PSD3: variants seen among roughly 807,000 people sequenced by gnomAD.
PSD3 encodes pleckstrin and Sec7 domain containing 3.
In PSD3, 49 loss-of-function variants were observed where a neutral mutation model predicts 105.5. That is an observed-to-expected ratio of 0.46 (90% CI 0.37 to 0.59). PSD3 has a LOEUF of 0.59. PSD3 is among the 20% of genes least tolerant of loss of function. The pLI, the probability that PSD3 is intolerant of heterozygous loss-of-function variation, is 0.00. For missense variants in PSD3, 1,561 were observed against 1,263.8 expected, an observed-to-expected ratio of 1.24 and a Z score of -3.57; for synonymous variants, 557 against 457.8, an observed-to-expected ratio of 1.22 and a Z score of -2.77.
chr8:19,057,782 A>G (rs1178593111), intron 1 of PSD3, among the ~76,000 whole-genome samples: 4 of 152,352 alleles, frequency 2.6e-5, no homozygotes, highest in South Asian at 2.1e-4. Context: ...AAAGAAAAAG[A>G]AAATATCAAA....
intron 1 of PSD3, among the ~76,000 whole-genome samples, chr8:19,005,730 C>A (rs1297648504): frequency 6.6e-6 from 1 of 151,900 alleles, no homozygotes; most frequent in Non-Finnish European, 1.5e-5. Context: ...CTCAAGAGAT[C>A]CTCCTACCTT....
intron 1 of PSD3, among the ~76,000 whole-genome samples, chr8:19,063,027 T>C (rs1394562495): frequency 6.6e-6 from 1 of 152,184 alleles, no homozygotes; most frequent in African/African-American, 2.4e-5. Context: ...TGTGAGACAG[T>C]TGGACTTGAA....
At chr8:18,801,702 C>T (rs1235141293) in intron 6 of PSD3, among the ~76,000 whole-genome samples, 7 of 152,072 alleles carry the variant, frequency 4.6e-5, no homozygotes, top group East Asian at 1.9e-4. Context: ...TGGTGGTGGG[C>T]GCCTGTAATC....
intron 1 of PSD3, among the ~76,000 whole-genome samples, chr8:18,977,195 G>C (rs1404290551): frequency 2.7e-5 from 4 of 149,494 alleles, no homozygotes; most frequent in African/African-American, 9.9e-5. Context: ...AGAAGGCGGA[G>C]GTTGCAGTGA....
intron 1 of PSD3, among the ~76,000 whole-genome samples, chr8:19,062,044 C>G (rs1828918600): frequency 6.6e-6 from 1 of 152,166 alleles, no homozygotes; most frequent in African/African-American, 2.4e-5. Flanking sequence ...AAACTGTGAA[C>G]TCTTTGAGGC....
chr8:18,642,186 C>G (rs1207797822), intron 10 of PSD3, among the ~76,000 whole-genome samples: 3 of 152,010 alleles, frequency 2.0e-5, no homozygotes, highest in African/African-American at 7.2e-5. Context: ...ACAAACTTAA[C>G]CAATGGTTAA....
At chr8:18,707,619 G>A (rs915219238) in intron 9 of PSD3, among the ~76,000 whole-genome samples, 3 of 152,166 alleles carry the variant, frequency 2.0e-5, no homozygotes, top group Non-Finnish European at 4.4e-5. Context: ...AGACAGCAAA[G>A]CTCATATGAC....
At position 18,835,085 on chromosome 8, in the gene PSD3, G is replaced by A. The variant is rs575186221; in HGVS notation, c.1635-30187C>T. 5.9e-4 allele frequency among the ~76,000 whole-genome samples: 90 copies of A among 152,262 alleles called. 6 individuals are homozygous for A. The highest frequency in any genetic ancestry group is 1.9e-3 in the South Asian group (9 of 4,822). ...TTAGACAAAGGACAGTCAAGTATGC[G>A]AAGAAATACAGGCACTCATACATTA... On this transcript the variant is annotated intron_variant, in intron 4 of 15. Transcript: ENST00000327040.
chr8:18,654,889 A>C (rs1808776567), intron 10 of PSD3, among the ~76,000 whole-genome samples: 1 of 152,196 alleles, frequency 6.6e-6, no homozygotes, highest in South Asian at 2.1e-4. Context: ...TATCATAGGA[A>C]ATAAACCTGG....
intron 13 of PSD3, 87 bp from the exon 14 acceptor site, chr8:18,572,759 T>C: frequency 7.0e-7 from 1 of 1,438,756 alleles, no homozygotes; most frequent in East Asian, 2.3e-5. Context: ...TGATTTGCAA[T>C]GGCATGTGAA....
intron 9 of PSD3, among the ~76,000 whole-genome samples, chr8:18,669,097 A>G (rs1799635088): frequency 6.6e-6 from 1 of 152,230 alleles, no homozygotes; most frequent in Non-Finnish European, 1.5e-5. Flanking sequence ...ATCTCCCTAC[A>G]TAGCGTACCT....
intron 2 of PSD3, among the ~76,000 whole-genome samples, chr8:18,931,435 T>C (rs1305103633): frequency 1.3e-5 from 2 of 152,212 alleles, no homozygotes; most frequent in African/African-American, 4.8e-5. Context: ...TAGTTATTCA[T>C]ACTTATGACC....
At chr8:18,599,634 G>A (rs1217354724) in intron 12 of PSD3, among the ~76,000 whole-genome samples, 1 of 152,058 alleles carries the variant, frequency 6.6e-6, no homozygotes, top group Non-Finnish European at 1.5e-5. Context: ...AAAGAGAATG[G>A]GCTTGAACTG....
intron 6 of PSD3, chr8:18,803,287 CAAAAAAAAAAA>C (rs34996165): frequency 5.9e-5 from 3 of 51,178 alleles, no homozygotes; most frequent in South Asian, 1.3e-3. Context: ...ACTCTGTCTC[CAAAAAAAAAAA>C]AAAAAAAAAA....
At chr8:18,902,002 TC>T (rs1418735672) in intron 2 of PSD3, among the ~76,000 whole-genome samples, 1 of 151,994 alleles carries the variant, frequency 6.6e-6, no homozygotes, top group Admixed American at 6.6e-5. Context: ...TAAATGTGCC[TC>T]AGGCAAAAAA....
chr8:18,595,753 C>T (rs759077604), intron 12 of PSD3, among the ~76,000 whole-genome samples: 19 of 151,890 alleles, frequency 1.3e-4, no homozygotes, highest in Non-Finnish European at 2.4e-4. Flanking sequence ...CATCAAGGCA[C>T]GTAAATATAT....
chr8:18,562,920 AAAAAGAAAAAG>A (rs142339250), intron 14 of PSD3, among the ~76,000 whole-genome samples: 137,782 of 151,128 alleles, frequency 0.91, 63,033 homozygotes, highest in Non-Finnish European at 0.96. Flanking sequence ...AAAGAAAAAG[AAAAAGAAAAAG>A]AAAAAACAAA....
intron 9 of PSD3, among the ~76,000 whole-genome samples, chr8:18,741,328 C>T (rs1057138844): frequency 1.3e-5 from 2 of 152,162 alleles, no homozygotes; most frequent in Admixed American, 6.5e-5. Flanking sequence ...TGCCCAATGT[C>T]ACAATGCCAG....
chr8:18,988,967 T>C (rs1287546626), intron 1 of PSD3, among the ~76,000 whole-genome samples: 1 of 152,222 alleles, frequency 6.6e-6, no homozygotes, highest in Admixed American at 6.5e-5. Context: ...ACCATGTGAC[T>C]GTCACTGTGT....
Sources: allele counts gnomAD v4.1 joint callset (sites outside exome capture counted in the v4.1 genomes callset), GRCh38; gene constraint gnomAD v4.1.1; transcripts MANE v1.5; gene names NCBI Gene and HGNC (gene_info 2026-07-23, HGNC 2026-07-21).